Variants in STPG1 observed in about 807,000 individuals in gnomAD.
The protein encoded by STPG1 is O(6)-methylguanine-induced apoptosis 2.
In STPG1, 33 loss-of-function variants were observed where a neutral mutation model predicts 40.1. The observed-to-expected ratio is 0.82, with a 90% CI of 0.62 to 1.10. The LOEUF is 1.10. Among genes scored for constraint, STPG1 ranks in the 50% least tolerant of loss-of-function variants. STPG1 has a pLI of 0.00. For missense variants in STPG1, 396 were observed against 415.1 expected (o/e 0.95, Z 0.40); for synonymous variants, 150 against 155.0 (o/e 0.97, Z 0.24).
upstream of STPG1, chr1:24,413,954 T>C (rs971178911): frequency 2.6e-5 from 4 of 152,190 alleles, no homozygotes; most frequent in Non-Finnish European, 5.9e-5. Context: ...GCTTCAAAAA[T>C]CTTGTGATAA....
intron 7 of STPG1, chr1:24,369,287 G>T: frequency 2.2e-6 from 1 of 460,012 alleles, no homozygotes; most frequent in African/African-American, 2.0e-5. Context: ...AGCACCAGGG[G>T]AATCCAGCAT....
intron 5 of STPG1, among the ~76,000 whole-genome samples, chr1:24,374,284 A>C (rs1209088237): frequency 9.4e-6 from 1 of 105,980 alleles, no homozygotes; most frequent in Non-Finnish European, 1.7e-5. Context: ...TCTGAGACAG[A>C]GTCTTGCTCT....
intron 5 of STPG1, among the ~76,000 whole-genome samples, chr1:24,377,403 TCTC>T (rs1187734658): frequency 1.3e-5 from 2 of 151,932 alleles, no homozygotes; most frequent in Non-Finnish European, 2.9e-5. Flanking sequence ...CCTTCTCCCT[TCTC>T]CTCTTGCTCA....
At chr1:24,365,500 C>T (rs901725117) in intron 7 of STPG1, among the ~76,000 whole-genome samples, 1 of 152,222 alleles carries the variant, frequency 6.6e-6, no homozygotes, top group Admixed American at 6.5e-5. Flanking sequence ...ACCCTGGAAG[C>T]TGAGAAGTCC....
chr1:24,412,492 ACTTT>A (rs1212263240), intron 1 of STPG1, among the ~76,000 whole-genome samples: 1 of 148,818 alleles, frequency 6.7e-6, no homozygotes, highest in African/African-American at 2.5e-5. Flanking sequence ...TATGTTTATT[ACTTT>A]ATTTGTTTAT....
chr1:24,399,489 T>G lies in STPG1; in HGVS notation c.70+1830A>C, dbSNP rs1368604733. On this transcript the variant is annotated intron_variant, in intron 2 of 8. Coordinates refer to ENST00000337248, the MANE Select transcript of STPG1 (RefSeq NM_001199013.2). This position sits in a 1 kb window ranked among gnomAD's most constrained non-coding sequence, Gnocchi z 4.0. ...TATCTTGGGATGGGCAAAGATTTCT[T>G]AAGTATTAATAAAATAGACATGTAC... Among the ~76,000 whole-genome samples the G allele has an allele frequency of 6.6e-6, 1 of 152,116 alleles. No individual in the cohort carries two copies. The highest frequency in any genetic ancestry group is 6.6e-5 in the Admixed American group (1 of 15,260).
At chr1:24,363,375 A>C (rs1320161096) in intron 7 of STPG1, among the ~76,000 whole-genome samples, 1 of 152,244 alleles carries the variant, frequency 6.6e-6, no homozygotes, top group Non-Finnish European at 1.5e-5. Flanking sequence ...GAATCCAGGC[A>C]GTTCTGTACT....
intron 5 of STPG1, among the ~76,000 whole-genome samples, chr1:24,374,494 C>T (rs1007881953): frequency 2.6e-5 from 4 of 151,952 alleles, no homozygotes; most frequent in South Asian, 2.1e-4. Flanking sequence ...CTCCTGACCT[C>T]GTGATCCGCC....
At chr1:24,379,010 T>C (rs1053145912) in intron 5 of STPG1, among the ~76,000 whole-genome samples, 1 of 152,230 alleles carries the variant, frequency 6.6e-6, no homozygotes, top group Non-Finnish European at 1.5e-5. Context: ...GCATGAAGCA[T>C]ACATTATCTC....
intron 7 of STPG1, among the ~76,000 whole-genome samples, chr1:24,362,219 C>T (rs1641169170): frequency 6.6e-6 from 1 of 152,208 alleles, no homozygotes; most frequent in African/African-American, 2.4e-5. Flanking sequence ...ACACAGAGAG[C>T]TTGAGGGGAC....
At chr1:24,361,102 T>C in intron 7 of STPG1, 61 bp from the exon 8 acceptor site, 1 of 1,457,472 alleles carries the variant, frequency 6.9e-7, no homozygotes, top group Non-Finnish European at 9.3e-7. Flanking sequence ...AGGCACAGTT[T>C]CTAGACACAG....
chr1:24,357,952 G>C lies in STPG1; in HGVS notation c.*591C>G, dbSNP rs967453967. The stretch of plus-strand genomic sequence containing the variant: ...GAGAAAAAGGTCTAAAAGGAGTAAA[G>C]AGAGGTCTTTCCAAACAGGTGGTCA... On this transcript the variant is annotated 3_prime_UTR_variant, in exon 9 of 9. Coordinates refer to ENST00000337248, the MANE Select transcript of STPG1 (RefSeq NM_001199013.2). The C allele has an allele frequency of 2.0e-5, 7 of 344,696 alleles. No individual in the cohort carries two copies. The highest frequency in any genetic ancestry group is 4.0e-5 in the Non-Finnish European group (7 of 173,910). The allele number at this position is 344,696 out of a possible 1,614,324, so 21.4% of individuals were successfully genotyped here.
At chr1:24,382,670 T>A (rs1040911551) in intron 4 of STPG1, among the ~76,000 whole-genome samples, 2 of 152,118 alleles carry the variant, frequency 1.3e-5, no homozygotes, top group Non-Finnish European at 2.9e-5. Flanking sequence ...GCTTCTTCGG[T>A]AATGGGGAGT....
intron 6 of STPG1, 36 bp downstream of exon 6, chr1:24,373,666 C>A (rs368835565): frequency 3.4e-5 from 48 of 1,420,206 alleles, no homozygotes; most frequent in Non-Finnish European, 4.8e-5. Context: ...GGACACTTAA[C>A]CCTTAGGTCA....
Position 24,357,071 on chromosome 1 carries a change from A to C in STPG1, c.*1472T>G. 1 of 130,770 alleles carries C rather than the reference A, an allele frequency of 7.6e-6. No homozygotes were observed. Among genetic ancestry groups the C allele is most frequent in the Admixed American group, 7.8e-5 (1 of 12,884 alleles). The allele number at this position is 130,770 out of a possible 1,614,324, so 8.1% of individuals were successfully genotyped here. A position where few individuals can be genotyped will look rare whatever the true frequency, so the allele number is the denominator to read the frequency against. On this transcript the variant is annotated 3_prime_UTR_variant, in exon 9 of 9. Transcript: ENST00000337248. ...GCCCCCCCCCCCAAAAAAAAAATCC[A>C]TGGTGAACAAAACATCACAGTTTTA...
Position 24,378,089 on chromosome 1 carries a change from TAGTAGCCACAGG to T in STPG1, c.462+1552_462+1563del, listed in dbSNP as rs1415001646. Among the ~76,000 whole-genome samples the T allele has an allele frequency of 5.0e-3, 766 of 152,226 alleles. 6 individuals are homozygous for T. Among genetic ancestry groups the T allele is most frequent in the African/African-American group, 0.017 (714 of 41,518 alleles). On this transcript the variant is annotated intron_variant, in intron 5 of 8. Coordinates refer to ENST00000337248, the MANE Select transcript of STPG1 (RefSeq NM_001199013.2). ...CTGCCTGGAGTTGGACTGCCCAGTA[TAGTAGCCACAGG>T]TTGCATGTGGCTATTGGCCCTGGAA...
chr1:24,413,461 G>A (rs1643837094), intron 1 of STPG1, among the ~76,000 whole-genome samples: 2 of 152,238 alleles, frequency 1.3e-5, no homozygotes, highest in Non-Finnish European at 2.9e-5. Flanking sequence ...ACCACTTTTC[G>A]GGTGGAAACA....
rs1453514544 is a variant in STPG1, at chr1:24,369,690, T to C, written c.721A>G (p.Lys241Glu). 4.4e-6 allele frequency: 7 copies of C among 1,592,764 alleles called. No homozygotes were observed. The highest frequency in any genetic ancestry group is 3.4e-5 in the South Asian group (3 of 88,704). Residue 241 changes from lysine (K) to glutamate (E), a missense_variant, in exon 7 of 9, where the codon AAA becomes GAA. By Grantham distance (56) the Lys-to-Glu change is moderately conservative (BLOSUM62 1). Coordinates refer to ENST00000337248, the MANE Select transcript of STPG1 (RefSeq NM_001199013.2). ...GGGACTCACGGGAAAAGAGTCTTTT[T>C]TGGAACTTTTGTGCAATCACTGGGG... ...YNPSDCTKVPKKTLFPKNPIL... is the reference protein window; with the variant it reads ...YNPSDCTKVPEKTLFPKNPIL...
chr1:24,404,005 A>G (rs1257737015), intron 1 of STPG1, among the ~76,000 whole-genome samples: 7 of 152,182 alleles, frequency 4.6e-5, no homozygotes. Context: ...ACAATAATGG[A>G]CATCTTTGTC....
Sources: gnomAD v4.1 joint callset for allele counts (sites outside exome capture counted in the v4.1 genomes callset) on GRCh38, gnomAD v4.1.1 for gene constraint, Gnocchi (gnomAD v3.1) non-coding constraint, MANE v1.5 for transcripts, NCBI Gene and HGNC (gene_info 2026-07-23, HGNC 2026-07-21) for gene names.